The following LAMC2 variants were observed in gnomAD, a reference collection of about 807,000 sequenced individuals.
LAMC2 encodes the protein laminin subunit gamma 2.
A neutral mutation model predicts 140.2 loss-of-function variants in LAMC2; 97 were observed. The observed-to-expected ratio is 0.69, with a 90% CI of 0.59 to 0.82. The LOEUF is 0.82. Ranked by LOEUF, LAMC2 falls within the 40% of genes least tolerant of loss-of-function variation. The pLI is 0.00. For synonymous variants in LAMC2, 513 were observed against 540.2 expected, an observed-to-expected ratio of 0.95 and a Z score of 0.70; for missense variants, 1,402 against 1,476.1, an observed-to-expected ratio of 0.95 and a Z score of 0.82.
In LAMC2 at chr1:183,237,376, C is replaced by T. The variant is rs754954967; in HGVS notation, c.2626C>T (p.Gln876Ter). The T allele has an allele frequency of 6.2e-7, 1 of 1,613,974 alleles. No homozygotes were observed. The highest frequency in any genetic ancestry group is 1.3e-5 in the African/African-American group (1 of 74,898). Residue 876 changes from glutamine (Q) to a stop codon, truncating the protein, a stop_gained, in exon 18 of 23, where the codon CAA (glutamine) becomes TAA (stop). Coordinates refer to ENST00000264144, the MANE Select transcript of LAMC2 (RefSeq NM_005562.3). LOFTEE classifies it high-confidence loss of function. ...GGTGGAAGAAGCAAAGAGGATCAAACAAAAAGCGGATTCACTCTCAAGCCT... is the reference window on the plus strand; with the variant it reads ...GGTGGAAGAAGCAAAGAGGATCAAATAAAAAGCGGATTCACTCTCAAGCCT... ...FQVEEAKRIKQKADSLSSLVT... is the reference protein window; with the variant it reads ...FQVEEAKRIK
the LAMC2 span, among the ~76,000 whole-genome samples, chr1:183,258,221 C>A: frequency 6.6e-6 from 1 of 152,194 alleles, no homozygotes; most frequent in Non-Finnish European, 1.5e-5. Context: ...TCTCCTAACA[C>A]AATAGTCTAG....
intron 6 of LAMC2, 84 bp from the exon 7 acceptor site, chr1:183,223,051 A>G (rs1052863827): frequency 7.8e-7 from 1 of 1,276,318 alleles, no homozygotes; most frequent in Non-Finnish European, 1.1e-6. Flanking sequence ...TTCAACAGAA[A>G]TTGCCGACAC....
At chr1:183,201,381 G>A (rs1470539837) in intron 1 of LAMC2, among the ~76,000 whole-genome samples, 1 of 152,028 alleles carries the variant, frequency 6.6e-6, no homozygotes, top group Non-Finnish European at 1.5e-5. Flanking sequence ...ACAAATCCTT[G>A]CATGAGCTCT....
rs769258564 is a variant in LAMC2, at chr1:183,243,395, C to G, written c.3577C>G (p.Gln1193Glu). ...GCYNTQALEQ[Q>E] is the part of the protein sequence containing the mutation. Reference sequence around the variant, plus strand: ...CTACAATACCCAGGCTCTTGAGCAACAGTGAAGCTGCCATAAATATTTCTC... The same window carrying G: ...CTACAATACCCAGGCTCTTGAGCAAGAGTGAAGCTGCCATAAATATTTCTC... The change falls in exon 23 of 23, where the codon CAG becomes GAG. Residue 1193 changes from glutamine to glutamate, a missense_variant. By Grantham distance (29) the Gln-to-Glu change is conservative. This residue lies in a region of LAMC2 where 670 missense variants were observed against 667.2 expected (regional missense o/e 1.00). Transcript: ENST00000264144. 6.8e-6 allele frequency: 11 copies of G among 1,614,084 alleles called. No individual in the cohort carries two copies. The East Asian group carries it at 2.4e-4, about 36-fold the overall frequency.
chr1:183,229,635 CAA>C (rs1304647617), intron 11 of LAMC2, among the ~76,000 whole-genome samples: 11 of 90,314 alleles, frequency 1.2e-4, no homozygotes, highest in Non-Finnish European at 4.4e-5. Flanking sequence ...GACTCCATCT[CAA>C]AAAAAAAAAA....
chr1:183,208,823 G>A (rs1658982304), intron 2 of LAMC2, among the ~76,000 whole-genome samples: 3 of 151,998 alleles, frequency 2.0e-5, no homozygotes, highest in Admixed American at 1.3e-4. Context: ...GGGATTACAG[G>A]CACCCACCAC....
downstream of LAMC2, chr1:183,249,680 GGC>G (rs1365407740): frequency 3.6e-4 from 42 of 116,316 alleles, no homozygotes; most frequent in Admixed American, 3.0e-3. Context: ...TGAAGAGTAG[GGC>G]GTGTGTGTGT....
chr1:183,199,354 G>A (rs77484529), intron 1 of LAMC2, among the ~76,000 whole-genome samples: 1,683 of 151,846 alleles, frequency 0.011, 45 homozygotes, highest in African/African-American at 0.035. Flanking sequence ...CACCCACCTC[G>A]GCCTCCCAAA....
chr1:183,238,260 A>G (rs1175055798), intron 18 of LAMC2, 47 bp from the exon 19 acceptor site: 1 of 1,377,644 alleles, frequency 7.3e-7, no homozygotes, highest in Non-Finnish European at 1.0e-6. Context: ...TGATTTTGCC[A>G]GCAGGAATGT....
chr1:183,256,855 G>C, the LAMC2 span, among the ~76,000 whole-genome samples: 1 of 152,060 alleles, frequency 6.6e-6, no homozygotes, highest in Non-Finnish European at 1.5e-5. Flanking sequence ...GGGTTCAAGT[G>C]ATTCTTCTGC....
chr1:183,242,433 G>A (rs905944713), intron 22 of LAMC2, among the ~76,000 whole-genome samples: 6 of 152,192 alleles, frequency 3.9e-5, no homozygotes, highest in Admixed American at 2.6e-4. Flanking sequence ...AGTTCGAATT[G>A]ACCAAGGCCA....
intron 1 of LAMC2, among the ~76,000 whole-genome samples, chr1:183,203,535 G>T (rs1658789701): frequency 6.9e-6 from 1 of 144,380 alleles, no homozygotes; most frequent in Admixed American, 7.1e-5. Context: ...AGGGAAGTTA[G>T]TCTCAATTTG....
chr1:183,222,010 G>A, intron 5 of LAMC2, 79 bp from the exon 6 acceptor site: 6 of 1,585,274 alleles, frequency 3.8e-6, no homozygotes, highest in South Asian at 1.1e-5. Context: ...AGGACTTGTC[G>A]GCAAGCAAAT....
At chr1:183,198,684 G>A (rs926059304) in intron 1 of LAMC2, among the ~76,000 whole-genome samples, 8 of 152,134 alleles carry the variant, frequency 5.3e-5, no homozygotes, top group African/African-American at 1.9e-4. Flanking sequence ...ACCTATCAAG[G>A]CTGCCTGAGC....
At position 183,228,264 on chromosome 1, in the gene LAMC2, A is replaced by G. The variant is rs1424912132; in HGVS notation, c.1469-110A>G. On this transcript the variant is annotated intron_variant, in intron 10 of 22. Coordinates refer to ENST00000264144, the MANE Select transcript of LAMC2 (RefSeq NM_005562.3). This position sits in a 1 kb window ranked among gnomAD's most constrained non-coding sequence, Gnocchi z 4.3. ...GGGCTTTGTTCTGGGGTCCCTAGGG[A>G]AGCACATTTCTCTGGCTCTTCTAGA... 6 of 1,442,624 alleles carry G rather than the reference A, an allele frequency of 4.2e-6. No individual in the cohort carries two copies. The highest frequency in any genetic ancestry group is 5.8e-6 in the Non-Finnish European group (6 of 1,033,218). 89.4% of individuals were successfully genotyped at this position (1,442,624 alleles called of 1,614,324 possible).
intron 22 of LAMC2, among the ~76,000 whole-genome samples, chr1:183,241,721 G>A (rs1214074835): frequency 6.6e-6 from 1 of 151,886 alleles, no homozygotes. Flanking sequence ...TATAGTCTTG[G>A]GTCTGCTTTG....
chr1:183,193,457 T>C (rs1571499031), intron 1 of LAMC2, among the ~76,000 whole-genome samples: 1 of 152,206 alleles, frequency 6.6e-6, no homozygotes, highest in East Asian at 1.9e-4. Flanking sequence ...TTTTGGAGTC[T>C]TTCAGAAAGA....
At position 183,232,289 on chromosome 1, in the gene LAMC2, C is replaced by A; in HGVS notation, c.1960C>A (p.Gln654Lys). Residue 654 changes from glutamine to lysine, a missense_variant, in exon 13 of 23, where the codon CAG becomes AAG. Coordinates refer to ENST00000264144, the MANE Select transcript of LAMC2 (RefSeq NM_005562.3). ...VPDTELEGRM[Q>K]QAEQALQDIL... ...TGATACAGAGCTGGAAGGCAGGATG[C>A]AGCAGGCTGAGCAGGCCCTTCAGGA... 2.5e-6 allele frequency: 4 copies of A among 1,614,076 alleles called. No homozygotes were observed. Among genetic ancestry groups the A allele is most frequent in the South Asian group, 1.1e-5 (1 of 91,064 alleles).
At chr1:183,215,160 A>G (rs1558087339) in intron 2 of LAMC2, among the ~76,000 whole-genome samples, 1 of 152,166 alleles carries the variant, frequency 6.6e-6, no homozygotes, top group African/African-American at 2.4e-5. Flanking sequence ...TAAAGATTTG[A>G]TGGACTTCTT....
Sources: allele counts gnomAD v4.1 joint callset (sites outside exome capture counted in the v4.1 genomes callset), GRCh38; gene constraint gnomAD v4.1.1; regional missense constraint gnomAD v4.1.1; non-coding constraint Gnocchi (gnomAD v3.1); transcripts MANE v1.5; gene names NCBI Gene and HGNC (gene_info 2026-07-23, HGNC 2026-07-21).